Variants in CACNA1B observed in about 807,000 individuals in gnomAD.
The protein encoded by CACNA1B is voltage-dependent N-type calcium channel subunit alpha-1B.
A neutral mutation model predicts 247.2 loss-of-function variants in CACNA1B; 70 were observed. That is an observed-to-expected ratio of 0.28 (90% CI 0.23 to 0.35). CACNA1B has a LOEUF of 0.35. Among genes scored for constraint, CACNA1B ranks in the 10% least tolerant of loss-of-function variants. CACNA1B has a pLI of 1.00. For missense variants in CACNA1B, 2,367 were observed against 3,197.4 expected (o/e 0.74, Z 6.26); for synonymous variants, 1,231 against 1,294.4 (o/e 0.95, Z 1.05).
In CACNA1B at chr9:138,120,690, C is replaced by A. The variant is rs537640912; in HGVS notation, c.6298C>A (p.Arg2100=). The A allele has an allele frequency of 1.3e-6, 2 of 1,515,912 alleles. No homozygotes were observed. Among genetic ancestry groups the A allele is most frequent in the East Asian group, 2.4e-5 (1 of 40,846 alleles). The allele number at this position is 1,515,912 out of a possible 1,614,324, so 93.9% of individuals were successfully genotyped here. Residue 2100 remains arginine (R), a synonymous_variant, in exon 46 of 47, where the codon CGG becomes AGG. Transcript: ENST00000371372. ...GGGAGAGGGGCCTACAGGCTGCCGG[C>A]GGGAACGAGAGCGCCGGCAGGAGCG... ...PPGEGPTGCR[R]ERERRQERGR... is the part of the protein sequence containing the mutation.
At position 138,012,984 on chromosome 9, in the gene CACNA1B, G is replaced by C; in HGVS notation, c.2161-145G>C. 1.7e-6 allele frequency: 1 copy of C among 592,820 alleles called. No individual in the cohort carries two copies. The highest frequency in any genetic ancestry group is 3.2e-5 in the East Asian group (1 of 31,036). 36.7% of individuals were successfully genotyped at this position (592,820 alleles called of 1,614,324 possible). A position where few individuals can be genotyped will look rare whatever the true frequency, so the allele number is the denominator to read the frequency against. ...TCGTGGGGGGCCACATTCACTCAGGGGTTGGCTGCCTGTCTCCACTGGATA... is the reference window on the plus strand; with the variant it reads ...TCGTGGGGGGCCACATTCACTCAGGCGTTGGCTGCCTGTCTCCACTGGATA... On this transcript the variant is annotated intron_variant, in intron 17 of 46. Transcript: ENST00000371372. The surrounding 1 kb of genome is among the most constrained non-coding windows in gnomAD (Gnocchi z 4.2).
At position 137,984,154 on chromosome 9, in the gene CACNA1B, T is replaced by C. The variant is rs751190413; in HGVS notation, c.1673T>C (p.Val558Ala). The C allele has an allele frequency of 6.3e-7, 1 of 1,599,736 alleles. No homozygotes were observed. Among genetic ancestry groups the C allele is most frequent in the Non-Finnish European group, 8.5e-7 (1 of 1,173,528 alleles). Residue 558 changes from valine (V) to alanine (A), a missense_variant, in exon 13 of 47, where the codon GTC becomes GCC. By Grantham distance (64) the Val-to-Ala change is moderately conservative (BLOSUM62 0). Coordinates refer to ENST00000371372, the MANE Select transcript of CACNA1B (RefSeq NM_000718.4). ...CFDFGVIVGS[V>A]FEVVWAAIKP... ...CCGTTGCAGGTCATCGTGGGGAGCG[T>C]CTTTGAAGTGGTCTGGGCGGCCATC...
At chr9:138,111,617 T>G (rs1158005192) in intron 39 of CACNA1B, among the ~76,000 whole-genome samples, 1 of 152,180 alleles carries the variant, frequency 6.6e-6, no homozygotes, top group Non-Finnish European at 1.5e-5. Flanking sequence ...TGAAAAAGGG[T>G]GACTCTCACT....
rs199592291 is a variant in CACNA1B, at chr9:138,047,386, C to T, written c.3544-13C>T. The T allele has an allele frequency of 6.9e-6, 11 of 1,601,308 alleles. No individual in the cohort carries two copies. The East Asian group carries it at 2.5e-4, about 36-fold the overall frequency. On this transcript the variant is annotated splice_polypyrimidine_tract_variant and intron_variant, in intron 22 of 46. Coordinates refer to ENST00000371372, the MANE Select transcript of CACNA1B (RefSeq NM_000718.4). ...AGCCCAGCCTTTGAGAATAACCTTC[C>T]TTTTGGTTTCAGGCTCTGAAATACC... is the stretch of plus-strand genomic sequence containing the variant.
chr9:138,056,331 A>G (rs1959496731), intron 26 of CACNA1B, among the ~76,000 whole-genome samples: 1 of 152,242 alleles, frequency 6.6e-6, no homozygotes, highest in Non-Finnish European at 1.5e-5. Context: ...ATTGAATGAT[A>G]CAATATGTGG....
rs1589005937 is a variant in CACNA1B at position 137,919,452 on chromosome 9, C to A, written c.966+2021C>A. ...GCAGCAAGATGCAGTCATGGCAGTGCCTGGGGCTGGCGCCACACAAGGCCC... is the reference window on the plus strand; with the variant it reads ...GCAGCAAGATGCAGTCATGGCAGTGACTGGGGCTGGCGCCACACAAGGCCC... On this transcript the variant is annotated intron_variant, in intron 6 of 46. Coordinates refer to ENST00000371372, the MANE Select transcript of CACNA1B (RefSeq NM_000718.4). This position sits in a 1 kb window ranked among gnomAD's most constrained non-coding sequence, Gnocchi z 4.6. Among the ~76,000 whole-genome samples the A allele has an allele frequency of 6.6e-6, 1 of 152,342 alleles. No homozygotes were observed. Among genetic ancestry groups the A allele is most frequent in the Non-Finnish European group, 1.5e-5 (1 of 68,024 alleles).
In CACNA1B at chr9:138,023,808, C is replaced by G. The variant is rs1439511301; in HGVS notation, c.3065C>G (p.Pro1022Arg). Residue 1022 changes from proline (P) to arginine (R), a missense_variant, in exon 19 of 47, where the codon CCC becomes CGC. Coordinates refer to ENST00000371372, the MANE Select transcript of CACNA1B (RefSeq NM_000718.4). ...DKEKELRNHQ[P>R]REPHCDLETS... ...GAAAAGGAGCTCCGGAACCACCAGC[C>G]CCGGTGAGTCCGCGGCTGGGCGGGG... The G allele has an allele frequency of 7.4e-7, 1 of 1,352,086 alleles. No homozygotes were observed. Among genetic ancestry groups the G allele is most frequent in the Non-Finnish European group, 1.0e-6 (1 of 967,112 alleles). 83.8% of individuals were successfully genotyped at this position (1,352,086 alleles called of 1,614,324 possible).
chr9:138,091,543 G>A (rs1440815012), intron 36 of CACNA1B, among the ~76,000 whole-genome samples: 1 of 152,168 alleles, frequency 6.6e-6, no homozygotes, highest in East Asian at 1.9e-4. Context: ...TTTTCAAATA[G>A]GAGAGCAAAT....
intron 44 of CACNA1B, 43 bp downstream of exon 44, chr9:138,118,811 G>C: frequency 1.1e-6 from 1 of 881,358 alleles, no homozygotes; most frequent in Non-Finnish European, 1.8e-6. Flanking sequence ...TGGGCAAGTG[G>C]GGGGTGGGGA....
At chr9:138,028,167 C>T (rs1262769048) in intron 20 of CACNA1B, among the ~76,000 whole-genome samples, 9 of 151,254 alleles carry the variant, frequency 6.0e-5, no homozygotes, top group African/African-American at 1.7e-4. Context: ...GGATTACAGG[C>T]GCCCACCACC....
intron 20 of CACNA1B, among the ~76,000 whole-genome samples, chr9:138,040,045 C>T (rs1959097670): frequency 1.3e-5 from 2 of 152,100 alleles, no homozygotes; most frequent in South Asian, 2.1e-4. Context: ...CTCAGGCCAT[C>T]CTCCCACCTC....
rs140069474 is a variant in CACNA1B at position 137,919,312 on chromosome 9, C to G, written c.966+1881C>G. Among the ~76,000 whole-genome samples the G allele has an allele frequency of 3.4e-3, 515 of 152,362 alleles. 4 individuals are homozygous for G. The highest frequency in any genetic ancestry group is 0.012 in the African/African-American group (495 of 41,586). Reference sequence around the variant, plus strand: ...ACAGTGGCGAGTGCCGTGAAGAAAACAGAAGAGGTTGAGGAGCAGGCAGTG... The same window carrying G: ...ACAGTGGCGAGTGCCGTGAAGAAAAGAGAAGAGGTTGAGGAGCAGGCAGTG... On this transcript the variant is annotated intron_variant, in intron 6 of 46. Coordinates refer to ENST00000371372, the MANE Select transcript of CACNA1B (RefSeq NM_000718.4). The surrounding 1 kb of genome is among the most constrained non-coding windows in gnomAD (Gnocchi z 4.6).
At chr9:138,119,762 G>T (rs868825919) in intron 44 of CACNA1B, among the ~76,000 whole-genome samples, 4 of 152,164 alleles carry the variant, frequency 2.6e-5, no homozygotes, top group South Asian at 2.1e-4. Flanking sequence ...GCGGCTGTGG[G>T]TGAGTTTACC....
intron 26 of CACNA1B, among the ~76,000 whole-genome samples, chr9:138,055,734 A>G (rs1959471323): frequency 1.3e-5 from 2 of 152,206 alleles, no homozygotes; most frequent in Admixed American, 6.5e-5. Context: ...AACAAAAACA[A>G]AACAGCTTTA....
rs1034554149 is a variant in CACNA1B, at chr9:137,955,771, G to A, written c.1144G>A (p.Glu382Lys). The A allele has an allele frequency of 2.5e-6, 4 of 1,612,268 alleles. No individual in the cohort carries two copies. The highest frequency in any genetic ancestry group is 1.3e-5 in the African/African-American group (1 of 74,926). The change falls in exon 8 of 47, where the codon GAG becomes AAG. Residue 382 changes from glutamate (E) to lysine (K), a missense_variant. Transcript: ENST00000371372. The surrounding 1 kb of genome is among the most constrained non-coding windows in gnomAD (Gnocchi z 6.9). ...GAAGCTGCGCCGGCAGCAGCAGATC[G>A]AGCGAGAGCTCAACGGGTACCTGGA... The part of the protein sequence containing the change: ...FLKLRRQQQI[E>K]RELNGYLEWI...
rs946915270 is a variant in CACNA1B at position 138,011,342 on chromosome 9, C to T, written c.2160+1265C>T. On this transcript the variant is annotated intron_variant, in intron 17 of 46. Coordinates refer to ENST00000371372, the MANE Select transcript of CACNA1B (RefSeq NM_000718.4). The surrounding 1 kb of genome is among the most constrained non-coding windows in gnomAD (Gnocchi z 4.2). ...AGCCATGTCCTTGGGGCCCTGTGTCCACATACATGTACCCTCATTGGTGGC... is the reference window on the plus strand; with the variant it reads ...AGCCATGTCCTTGGGGCCCTGTGTCTACATACATGTACCCTCATTGGTGGC... Among the ~76,000 whole-genome samples the T allele has an allele frequency of 3.3e-5, 5 of 152,188 alleles. No homozygotes were observed. Among genetic ancestry groups the T allele is most frequent in the African/African-American group, 1.2e-4 (5 of 41,458 alleles).
intron 6 of CACNA1B, among the ~76,000 whole-genome samples, chr9:137,931,858 A>C (rs1443784620): frequency 6.6e-6 from 1 of 152,192 alleles, no homozygotes; most frequent in Non-Finnish European, 1.5e-5. Flanking sequence ...ACCAAGGCAA[A>C]TATAGTCATT....
Position 137,974,690 on chromosome 9 carries a change from G to A in CACNA1B, c.1544-1217G>A, listed in dbSNP as rs554697642. Among the ~76,000 whole-genome samples, 4 of 152,276 alleles carry A rather than the reference G, an allele frequency of 2.6e-5. No homozygotes were observed. The South Asian group carries it at 6.2e-4, about 24-fold the overall frequency. ...TCTTCCAGTGTCTGCTTTATCAGAA[G>A]TTGTGTCTGCTGAAGGTCCCGTGTC... On this transcript the variant is annotated intron_variant, in intron 11 of 46. Transcript: ENST00000371372. This position sits in a 1 kb window ranked among gnomAD's most constrained non-coding sequence, Gnocchi z 4.5.
chr9:137,984,289 G>A (rs533523776), intron 13 of CACNA1B, 39 bp downstream of exon 13: 3 of 1,437,492 alleles, frequency 2.1e-6, no homozygotes, highest in East Asian at 2.5e-5. Flanking sequence ...CAGGTGTAGG[G>A]TGGAGAGGGC....
Sources: allele counts gnomAD v4.1 joint callset (sites outside exome capture counted in the v4.1 genomes callset), GRCh38; gene constraint gnomAD v4.1.1; non-coding constraint Gnocchi (gnomAD v3.1); transcripts MANE v1.5; gene names NCBI Gene and HGNC (gene_info 2026-07-23, HGNC 2026-07-21).